Variants in CSMD1 observed in about 807,000 individuals in gnomAD.
The protein encoded by CSMD1 is CUB and sushi domain-containing protein 1.
Under a neutral mutation model 417.5 loss-of-function variants are expected in CSMD1, and 213 were observed. The ratio of observed to expected loss-of-function variants is 0.51; its 90% CI spans 0.46 to 0.57. CSMD1 has a LOEUF of 0.57. CSMD1 is among the 20% of genes least tolerant of loss of function. CSMD1 has a pLI of 0.00. For synonymous variants in CSMD1, 2,862 were observed against 1,736.8 expected, an observed-to-expected ratio of 1.65 and a Z score of -16.11; for missense variants, 6,923 against 4,529.7, an observed-to-expected ratio of 1.53 and a Z score of -15.17.
chr8:4,129,247 G>A (rs1020449777), intron 3 of CSMD1, among the ~76,000 whole-genome samples: 1 of 152,070 alleles, frequency 6.6e-6, no homozygotes, highest in Non-Finnish European at 1.5e-5. Context: ...TTCTGAGGAT[G>A]TCTCCTGGGG....
intron 1 of CSMD1, among the ~76,000 whole-genome samples, chr8:4,851,056 A>G (rs1034951284): frequency 1.8e-4 from 28 of 151,834 alleles, no homozygotes; most frequent in African/African-American, 6.5e-4. Context: ...CCATTAACAC[A>G]TCATTTAGCA....
At chr8:4,182,030 GTGTGTGTGTGTGTC>G (rs1014322103) in intron 3 of CSMD1, among the ~76,000 whole-genome samples, 3 of 118,340 alleles carry the variant, frequency 2.5e-5, no homozygotes, top group African/African-American at 8.3e-5. Context: ...ACACCCGTGT[GTGTGTGTGTGTGTC>G]GGTGTGTGTG....
At chr8:3,959,746 T>G (rs2627489) in intron 5 of CSMD1, among the ~76,000 whole-genome samples, 69,642 of 152,034 alleles carry the variant, frequency 0.46, 16,866 homozygotes, top group East Asian at 0.79. Context: ...GGGAACACAC[T>G]CAAACTTAGG....
At chr8:3,764,343 C>T (rs997851769) in intron 5 of CSMD1, among the ~76,000 whole-genome samples, 1 of 152,134 alleles carries the variant, frequency 6.6e-6, no homozygotes, top group African/African-American at 2.4e-5. Flanking sequence ...GCTCCCTGCC[C>T]CTCTCTGCTC....
intron 3 of CSMD1, among the ~76,000 whole-genome samples, chr8:4,078,513 C>T (rs1799950069): frequency 6.6e-6 from 1 of 151,862 alleles, no homozygotes; most frequent in Non-Finnish European, 1.5e-5. Flanking sequence ...ATCTGCCCAC[C>T]TCGGCCTCCC....
chr8:3,683,087 C>T (rs1287573949), intron 7 of CSMD1, among the ~76,000 whole-genome samples: 1 of 152,080 alleles, frequency 6.6e-6, no homozygotes, highest in Middle Eastern at 3.4e-3. Flanking sequence ...AGGAGATATA[C>T]CTAATGCTAA....
chr8:3,382,956 C>T (rs1418986920), intron 18 of CSMD1, among the ~76,000 whole-genome samples: 1 of 152,090 alleles, frequency 6.6e-6, no homozygotes, highest in Non-Finnish European at 1.5e-5. Context: ...AAACATGATG[C>T]TCACAGGCAT....
chr8:3,859,623 G>T, intron 5 of CSMD1, among the ~76,000 whole-genome samples: 1 of 152,064 alleles, frequency 6.6e-6, no homozygotes, highest in Non-Finnish European at 1.5e-5. Context: ...TGGGAGCTTT[G>T]GTTTACATGA....
chr8:3,493,730 A>C lies in CSMD1; in HGVS notation c.1345-4T>G, dbSNP rs1796235085. On this transcript the variant is annotated splice_region_variant and splice_polypyrimidine_tract_variant and intron_variant, in intron 10 of 69. Coordinates refer to ENST00000635120, the MANE Select transcript of CSMD1 (RefSeq NM_033225.6). Reference sequence around the variant, plus strand: ...CTTCAAAGGCAAGCTTGATGACCTAAATACAAGGTACGAAACAGTGACTTA... The same window carrying C: ...CTTCAAAGGCAAGCTTGATGACCTACATACAAGGTACGAAACAGTGACTTA... 2 of 1,606,012 alleles carry C rather than the reference A, an allele frequency of 1.2e-6. No homozygotes were observed. Among genetic ancestry groups the C allele is most frequent in the African/African-American group, 2.7e-5 (2 of 74,816 alleles).
rs112087385 is a variant in CSMD1 at position 4,814,438 on chromosome 8, G to T, written c.86-176880C>A. 4.4e-3 allele frequency among the ~76,000 whole-genome samples: 676 copies of T among 152,224 alleles called. 2 individuals are homozygous for T. The highest frequency in any genetic ancestry group is 7.1e-3 in the Non-Finnish European group (483 of 68,006). On this transcript the variant is annotated intron_variant, in intron 1 of 69. Coordinates refer to ENST00000635120, the MANE Select transcript of CSMD1 (RefSeq NM_033225.6). ...TTTTTGTTATTTTTAGTAGAAACACGGTTTCACCATGTTGGCCAAGGTGAT... is the reference window on the plus strand; with the variant it reads ...TTTTTGTTATTTTTAGTAGAAACACTGTTTCACCATGTTGGCCAAGGTGAT...
At chr8:4,756,630 C>T (rs895051966) in intron 1 of CSMD1, among the ~76,000 whole-genome samples, 2 of 152,196 alleles carry the variant, frequency 1.3e-5, no homozygotes, top group African/African-American at 4.8e-5. Context: ...AATTGTCTCA[C>T]TCCAGGATTA....
At position 3,652,477 on chromosome 8, in the gene CSMD1, C is replaced by G. The variant is rs148175454; in HGVS notation, c.1010-35680G>C. Among the ~76,000 whole-genome samples the G allele has an allele frequency of 5.6e-3, 848 of 152,282 alleles. 9 individuals carry two copies. The highest frequency in any genetic ancestry group is 0.02 in the African/African-American group (812 of 41,560). On this transcript the variant is annotated intron_variant, in intron 7 of 69. Coordinates refer to ENST00000635120, the MANE Select transcript of CSMD1 (RefSeq NM_033225.6). ...TCTCTTGCTGCTAATAAAGACATACCTGAGACTGGGTATTTTATAAAGGAA... is the reference window on the plus strand; with the variant it reads ...TCTCTTGCTGCTAATAAAGACATACGTGAGACTGGGTATTTTATAAAGGAA...
chr8:4,969,801 C>G (rs1810120102), intron 1 of CSMD1, among the ~76,000 whole-genome samples: 1 of 152,014 alleles, frequency 6.6e-6, no homozygotes, highest in African/African-American at 2.4e-5. Flanking sequence ...TTAACACTAC[C>G]TAATTTAATT....
At chr8:4,777,846 G>A (rs1454456865) in intron 1 of CSMD1, among the ~76,000 whole-genome samples, 2 of 152,114 alleles carry the variant, frequency 1.3e-5, no homozygotes, top group African/African-American at 2.4e-5. Context: ...CTCAACTAAC[G>A]GCAACTATGC....
intron 3 of CSMD1, among the ~76,000 whole-genome samples, chr8:4,212,290 G>C (rs189026281): frequency 6.6e-6 from 1 of 151,310 alleles, no homozygotes; most frequent in Non-Finnish European, 1.5e-5. Flanking sequence ...TACAAACTTA[G>C]TCAAAACTAG....
intron 1 of CSMD1, among the ~76,000 whole-genome samples, chr8:4,738,912 T>TGTG (rs1020049806): frequency 7.2e-5 from 11 of 152,054 alleles, no homozygotes; most frequent in Non-Finnish European, 1.5e-4. Flanking sequence ...TTTGTGTGTG[T>TGTG]GTGTGTGTGT....
At chr8:4,183,135 T>C (rs1486120828) in intron 3 of CSMD1, among the ~76,000 whole-genome samples, 1 of 152,164 alleles carries the variant, frequency 6.6e-6, no homozygotes, top group African/African-American at 2.4e-5. Context: ...ATAATTTTAT[T>C]TCATTTTAAA....
intron 3 of CSMD1, among the ~76,000 whole-genome samples, chr8:4,141,545 G>A (rs998099451): frequency 6.6e-6 from 1 of 151,004 alleles, no homozygotes; most frequent in Non-Finnish European, 1.5e-5. Context: ...CAAACAAAGG[G>A]GTTAAGAAGC....
chr8:4,806,942 T>C (rs1175908023), intron 1 of CSMD1, among the ~76,000 whole-genome samples: 1 of 152,232 alleles, frequency 6.6e-6, no homozygotes, highest in Non-Finnish European at 1.5e-5. Flanking sequence ...TAAGCTATTA[T>C]TTATGTTCAA....
Sources: allele counts gnomAD v4.1 joint callset (sites outside exome capture counted in the v4.1 genomes callset), GRCh38; gene constraint gnomAD v4.1.1; transcripts MANE v1.5; gene names NCBI Gene and HGNC (gene_info 2026-07-23, HGNC 2026-07-21).